Variants in UBR3 observed in about 807,000 individuals in gnomAD.
The protein encoded by UBR3 is E3 ubiquitin-protein ligase UBR3.
UBR3 carries 85 observed loss-of-function variants against 243.2 expected under a neutral mutation model. The ratio of observed to expected loss-of-function variants is 0.35; its 90% confidence interval spans 0.29 to 0.42. UBR3 has a LOEUF of 0.42. Ranked by LOEUF, UBR3 falls within the 10% of genes least tolerant of loss-of-function variation. The pLI is 1.00. For missense variants in UBR3, 1,686 were observed against 2,300.8 expected, an observed-to-expected ratio of 0.73 and a Z score of 5.47; for synonymous variants, 748 against 799.8, an observed-to-expected ratio of 0.94 and a Z score of 1.09.
chr2:169,840,665 C>T (rs998472705), intron 1 of UBR3, among the ~76,000 whole-genome samples: 27 of 152,272 alleles, frequency 1.8e-4, no homozygotes, highest in African/African-American at 4.3e-4. Flanking sequence ...GCATTGCCTT[C>T]GTGTGGACTC....
At chr2:169,981,662 TTTAG>T (rs1460335188) in intron 24 of UBR3, among the ~76,000 whole-genome samples, 2 of 152,142 alleles carry the variant, frequency 1.3e-5, no homozygotes, top group African/African-American at 2.4e-5. Flanking sequence ...AAAGTTGGAC[TTTAG>T]TTAATTTGTC....
At chr2:169,926,594 A>G (rs2085918752) in intron 14 of UBR3, 98 bp from the exon 15 acceptor site, 1 of 1,282,682 alleles carries the variant, frequency 7.8e-7, no homozygotes, top group African/African-American at 1.5e-5. Flanking sequence ...AAAACAAAAA[A>G]CAAAAAACAA....
chr2:170,072,323 C>G (rs1376612008), intron 35 of UBR3, among the ~76,000 whole-genome samples: 2 of 151,318 alleles, frequency 1.3e-5, no homozygotes, highest in Non-Finnish European at 2.9e-5. Context: ...ATCACAAGAA[C>G]AAAAAACCAA....
At chr2:170,045,257 C>T (rs2091055972) in intron 32 of UBR3, among the ~76,000 whole-genome samples, 1 of 152,100 alleles carries the variant, frequency 6.6e-6, no homozygotes. Flanking sequence ...TTATTCACTA[C>T]CATGAGAACA....
At position 169,926,746 on chromosome 2, in the gene UBR3, T is replaced by A; in HGVS notation, c.2204+2T>A. On this transcript the variant is annotated splice_donor_variant, in intron 15 of 38. Transcript: ENST00000272793. LOFTEE classifies it high-confidence loss of function. ...TTTTATTTCATCCGTCTTTGAAAGGTAGGCATAATTTTATTAAGACAGGTA... is the reference window on the plus strand; with the variant it reads ...TTTTATTTCATCCGTCTTTGAAAGGAAGGCATAATTTTATTAAGACAGGTA... 1 of 1,549,712 alleles carries A rather than the reference T, an allele frequency of 6.5e-7. No individual in the cohort carries two copies. The highest frequency in any genetic ancestry group is 8.7e-7 in the Non-Finnish European group (1 of 1,146,298).
At chr2:169,894,827 C>T (rs2084520676) in intron 6 of UBR3, among the ~76,000 whole-genome samples, 1 of 152,106 alleles carries the variant, frequency 6.6e-6, no homozygotes, top group African/African-American at 2.4e-5. Flanking sequence ...AAGTTTAGCC[C>T]CTGCTTAAGC....
chr2:169,994,499 A>C (rs370400024), intron 26 of UBR3, 43 bp downstream of exon 26: 18 of 1,567,228 alleles, frequency 1.1e-5, no homozygotes, highest in Non-Finnish European at 1.5e-5. Context: ...TGCCAAGTTG[A>C]TGGTTATTTC....
At chr2:169,872,182 A>G in intron 1 of UBR3, 54 bp from the exon 2 acceptor site, 1 of 1,212,384 alleles carries the variant, frequency 8.2e-7, no homozygotes, top group South Asian at 1.9e-5. Context: ...TAGAAATAAT[A>G]TATTTTTAGC....
intron 36 of UBR3, among the ~76,000 whole-genome samples, chr2:170,076,566 C>A (rs150672230): frequency 1.3e-5 from 2 of 152,296 alleles, no homozygotes; most frequent in Non-Finnish European, 2.9e-5. Flanking sequence ...AGTACCTGCT[C>A]ACCCTGAATT....
chr2:169,906,280 G>A (rs1274173730), intron 10 of UBR3, 116 bp downstream of exon 10: 1 of 1,248,686 alleles, frequency 8.0e-7, no homozygotes, highest in Non-Finnish European at 1.1e-6. Context: ...ATTGAATTCA[G>A]CTTTATGAAA....
chr2:169,837,667 A>G (rs562452202), intron 1 of UBR3, among the ~76,000 whole-genome samples: 6 of 152,176 alleles, frequency 3.9e-5, no homozygotes, highest in African/African-American at 1.4e-4. Flanking sequence ...AAACCATTAC[A>G]TCTCGTGAGA....
intron 26 of UBR3, among the ~76,000 whole-genome samples, chr2:170,000,089 G>A (rs1377467405): frequency 6.6e-6 from 1 of 150,384 alleles, no homozygotes; most frequent in Non-Finnish European, 1.5e-5. Flanking sequence ...TTGCGCCATC[G>A]CACTCCAGCC....
At chr2:169,847,891 G>A (rs954767638) in intron 1 of UBR3, among the ~76,000 whole-genome samples, 2 of 149,142 alleles carry the variant, frequency 1.3e-5, no homozygotes, top group African/African-American at 4.9e-5. Context: ...TAGTACTCTG[G>A]CAAATAGTCA....
intron 11 of UBR3, among the ~76,000 whole-genome samples, chr2:169,922,763 A>C (rs1227469158): frequency 6.6e-6 from 1 of 151,832 alleles, no homozygotes; most frequent in African/African-American, 2.4e-5. Context: ...TTCATGTTAC[A>C]GAACATTGTT....
At chr2:169,902,026 A>G (rs2084842929) in intron 8 of UBR3, among the ~76,000 whole-genome samples, 1 of 152,188 alleles carries the variant, frequency 6.6e-6, no homozygotes, top group Admixed American at 6.5e-5. Flanking sequence ...TTGCTCCATT[A>G]ATCTGGCTGC....
chr2:170,046,240 C>T (rs2091085640), intron 32 of UBR3, among the ~76,000 whole-genome samples: 1 of 152,132 alleles, frequency 6.6e-6, no homozygotes. Context: ...GCTGAGACTA[C>T]AAGTGTGAGC....
At chr2:169,868,682 A>G (rs193229344) in intron 1 of UBR3, among the ~76,000 whole-genome samples, 40 of 152,360 alleles carry the variant, frequency 2.6e-4, no homozygotes, top group African/African-American at 8.9e-4. Flanking sequence ...TAATTCCTAT[A>G]TCATCAAATA....
intron 35 of UBR3, among the ~76,000 whole-genome samples, chr2:170,069,484 A>C (rs988107045): frequency 1.3e-5 from 2 of 152,120 alleles, no homozygotes; most frequent in African/African-American, 4.8e-5. Context: ...GCAAATTTCA[A>C]GTATACAATA....
At chr2:169,917,762 A>G (rs996861816) in intron 11 of UBR3, among the ~76,000 whole-genome samples, 7 of 152,046 alleles carry the variant, frequency 4.6e-5, no homozygotes. Flanking sequence ...GGGTGCAATG[A>G]CACAATCTTG....
Sources: gnomAD v4.1 joint callset for allele counts (sites outside exome capture counted in the v4.1 genomes callset) on GRCh38, gnomAD v4.1.1 for gene constraint, MANE v1.5 for transcripts, NCBI Gene and HGNC (gene_info 2026-07-23, HGNC 2026-07-21) for gene names.